ADAMTSL1: variants seen among roughly 807,000 people sequenced by gnomAD.
ADAMTSL1 encodes the protein ADAMTS-like protein 1.
In ADAMTSL1, 126 loss-of-function variants were observed where a neutral mutation model predicts 201.8. The ratio of observed to expected loss-of-function variants is 0.62; its 90% CI spans 0.54 to 0.72. The LOEUF (loss-of-function observed/expected upper bound fraction) is 0.72. ADAMTSL1 is among the 30% of genes least tolerant of loss of function. The pLI is 0.00. For missense variants in ADAMTSL1, 2,679 were observed against 2,277.8 expected (o/e 1.18, Z -3.59); for synonymous variants, 1,121 against 903.4 (o/e 1.24, Z -4.32).
chr9:18,860,128 C>T (rs1021262787), intron 23 of ADAMTSL1, among the ~76,000 whole-genome samples: 2 of 152,158 alleles, frequency 1.3e-5, no homozygotes, highest in Non-Finnish European at 2.9e-5. Context: ...CTATAATGAA[C>T]ATGCATTGGT....
intron 1 of ADAMTSL1, among the ~76,000 whole-genome samples, chr9:18,121,412 A>G (rs776997865): frequency 3.3e-5 from 5 of 152,132 alleles, no homozygotes; most frequent in African/African-American, 9.6e-5. Flanking sequence ...CCCACCCACA[A>G]TTTCATTATA....
intron 2 of ADAMTSL1, among the ~76,000 whole-genome samples, chr9:18,293,058 T>C (rs1833335571): frequency 6.6e-6 from 1 of 152,144 alleles, no homozygotes; most frequent in African/African-American, 2.4e-5. Context: ...GAGGTATAAT[T>C]AGTACTTTGA....
chr9:18,067,179 G>A (rs1293391548), intron 1 of ADAMTSL1, among the ~76,000 whole-genome samples: 1 of 152,168 alleles, frequency 6.6e-6, no homozygotes, highest in East Asian at 1.9e-4. Flanking sequence ...TGACTCTTTA[G>A]ATTCCAATCC....
intron 4 of ADAMTSL1, among the ~76,000 whole-genome samples, chr9:18,618,627 A>G (rs943499724): frequency 1.3e-5 from 2 of 151,916 alleles, no homozygotes; most frequent in Non-Finnish European, 1.5e-5. Flanking sequence ...GGTTCAGGAA[A>G]CAGGATCTTT....
chr9:18,427,675 C>T (rs1819286964), intron 2 of ADAMTSL1, among the ~76,000 whole-genome samples: 1 of 152,228 alleles, frequency 6.6e-6, no homozygotes, highest in Non-Finnish European at 1.5e-5. Flanking sequence ...CTTGCTGAGG[C>T]AGGAGCCCAG....
intron 15 of ADAMTSL1, among the ~76,000 whole-genome samples, chr9:18,746,474 C>T (rs1172562599): frequency 6.6e-6 from 1 of 152,136 alleles, no homozygotes; most frequent in African/African-American, 2.4e-5. Flanking sequence ...AGAAATGTCA[C>T]ACAAGTTTAA....
At chr9:18,433,914 T>G (rs1819607484) in intron 2 of ADAMTSL1, among the ~76,000 whole-genome samples, 2 of 152,210 alleles carry the variant, frequency 1.3e-5, no homozygotes, top group Non-Finnish European at 2.9e-5. Flanking sequence ...GCTTTGCTGT[T>G]TAGGGGAATG....
At chr9:18,464,845 G>T (rs1368517301) in intron 2 of ADAMTSL1, among the ~76,000 whole-genome samples, 1 of 152,134 alleles carries the variant, frequency 6.6e-6, no homozygotes, top group African/African-American at 2.4e-5. Context: ...GAGAGAAAGG[G>T]TGAGATTTGT....
chr9:18,607,590 ATTATG>A (rs199704638), intron 4 of ADAMTSL1, among the ~76,000 whole-genome samples: 9,208 of 132,886 alleles, frequency 0.069, 404 homozygotes, highest in East Asian at 0.17. Context: ...TATTATTATT[ATTATG>A]CTTTAAGTTT....
chr9:18,762,481 C>T (rs1588062351), intron 16 of ADAMTSL1, among the ~76,000 whole-genome samples: 1 of 152,124 alleles, frequency 6.6e-6, no homozygotes, highest in African/African-American at 2.4e-5. Context: ...TCCCTTCAAA[C>T]ACTTATCCAT....
intron 2 of ADAMTSL1, among the ~76,000 whole-genome samples, chr9:18,271,748 C>T (rs1186185564): frequency 3.9e-5 from 6 of 152,168 alleles, no homozygotes; most frequent in Non-Finnish European, 8.8e-5. Context: ...GAGGGATCAC[C>T]ACACTGTCTT....
At chr9:18,397,048 C>T (rs572148965) in intron 2 of ADAMTSL1, among the ~76,000 whole-genome samples, 3 of 145,768 alleles carry the variant, frequency 2.1e-5, no homozygotes, top group Non-Finnish European at 4.4e-5. Flanking sequence ...GTGCTATTCA[C>T]AGTGATCCTG....
intron 1 of ADAMTSL1, among the ~76,000 whole-genome samples, chr9:18,052,479 C>T (rs74496093): frequency 0.016 from 2,459 of 152,144 alleles, 44 homozygotes; most frequent in South Asian, 0.073. Context: ...TGTGTGAAGC[C>T]GCTGAGAGTG....
intron 1 of ADAMTSL1, among the ~76,000 whole-genome samples, chr9:18,031,904 A>G (rs1482010713): frequency 6.6e-6 from 1 of 152,170 alleles, no homozygotes; most frequent in Non-Finnish European, 1.5e-5. Flanking sequence ...AAGGCACATG[A>G]TCCTGGGCAG....
chr9:18,315,900 C>T (rs886379942), intron 2 of ADAMTSL1, among the ~76,000 whole-genome samples: 1 of 152,134 alleles, frequency 6.6e-6, no homozygotes. Flanking sequence ...ATCTAGCAAT[C>T]CTACTTCTCA....
At chr9:18,101,446 C>T (rs1285856263) in intron 1 of ADAMTSL1, among the ~76,000 whole-genome samples, 2 of 148,866 alleles carry the variant, frequency 1.3e-5, no homozygotes, top group African/African-American at 2.5e-5. Flanking sequence ...TGCAGTGAGC[C>T]AAGACAGCAC....
intron 1 of ADAMTSL1, among the ~76,000 whole-genome samples, chr9:17,923,586 T>C (rs1187913037): frequency 6.8e-6 from 1 of 147,100 alleles, no homozygotes; most frequent in Non-Finnish European, 1.5e-5. Context: ...ACAATTTGAC[T>C]TCCTCTTTTC....
At chr9:18,518,362 G>C (rs140391589) in intron 2 of ADAMTSL1, among the ~76,000 whole-genome samples, 1 of 151,744 alleles carries the variant, frequency 6.6e-6, no homozygotes, top group Admixed American at 6.6e-5. Flanking sequence ...CCATGTGTAC[G>C]CATTGTTTAG....
chr9:18,198,087 C>T (rs568494122), intron 2 of ADAMTSL1, among the ~76,000 whole-genome samples: 93 of 152,260 alleles, frequency 6.1e-4, no homozygotes, highest in Admixed American at 2.0e-3. Flanking sequence ...CCCTTCCTTA[C>T]ACCTTATACA....
Sources: gnomAD v4.1 joint callset for allele counts (sites outside exome capture counted in the v4.1 genomes callset) on GRCh38, gnomAD v4.1.1 for gene constraint, MANE v1.5 for transcripts, NCBI Gene and HGNC (gene_info 2026-07-23, HGNC 2026-07-21) for gene names.